Variants in PSD3 observed in about 807,000 individuals in gnomAD.
The protein encoded by PSD3 is pleckstrin and Sec7 domain containing 3.
Under a neutral mutation model 105.5 loss-of-function variants are expected in PSD3, and 49 were observed. The ratio of observed to expected loss-of-function variants is 0.46; its 90% CI spans 0.37 to 0.59. PSD3 has a LOEUF of 0.59. PSD3 is among the 20% of genes least tolerant of loss of function. PSD3 has a pLI of 0.00. For missense variants in PSD3, 1,561 were observed against 1,263.8 expected, an observed-to-expected ratio of 1.24 and a Z score of -3.57; for synonymous variants, 557 against 457.8, an observed-to-expected ratio of 1.22 and a Z score of -2.77.
At chr8:18,551,193 C>CCCAAATAAA (rs1178951071) in intron 15 of PSD3, among the ~76,000 whole-genome samples, 1 of 152,068 alleles carries the variant, frequency 6.6e-6, no homozygotes, top group Non-Finnish European at 1.5e-5. Flanking sequence ...AAATTGCTTC[C>CCCAAATAAA]CCAATGTTGA....
chr8:18,750,145 T>C (rs1019231943), intron 9 of PSD3, among the ~76,000 whole-genome samples: 4 of 152,164 alleles, frequency 2.6e-5, no homozygotes, highest in African/African-American at 7.2e-5. Context: ...TTATATCCTA[T>C]TTAATAGTTC....
At chr8:18,847,148 A>G (rs572506942) in intron 4 of PSD3, among the ~76,000 whole-genome samples, 48 of 152,258 alleles carry the variant, frequency 3.2e-4, no homozygotes, top group African/African-American at 1.1e-3. Context: ...TCATGCGAGA[A>G]ACCAGGCCCC....
rs184226480 is a variant in PSD3 at position 18,620,663 on chromosome 8, T to A, written c.2410+11950A>T. ...AGGCAGAGGTTGCAGTGAGCCCAGA[T>A]CACACCACTGCACTATGGCCTGGGT... On this transcript the variant is annotated intron_variant, in intron 11 of 15. Coordinates refer to ENST00000327040, the MANE Select transcript of PSD3 (RefSeq NM_015310.4). Among the ~76,000 whole-genome samples, 5 of 152,224 alleles carry A rather than the reference T, an allele frequency of 3.3e-5. No homozygotes were observed. The East Asian group carries it at 9.7e-4, about 29-fold the overall frequency.
At position 18,530,606 on chromosome 8, in the gene PSD3, C is replaced by T. The variant is rs915697652; in HGVS notation, c.*5137G>A. On this transcript the variant is annotated 3_prime_UTR_variant, in exon 16 of 16. Coordinates refer to ENST00000327040, the MANE Select transcript of PSD3 (RefSeq NM_015310.4). ...AAAGAACGTGTGCTTTAAAGCATCA[C>T]ATTTTGTAATAAGCCCAAAATTGTC... 9 of 151,902 alleles carry T rather than the reference C, an allele frequency of 5.9e-5. No homozygotes were observed. Among genetic ancestry groups the T allele is most frequent in the African/African-American group, 2.2e-4 (9 of 41,296 alleles). The allele number at this position is 151,902 out of a possible 1,614,324, so 9.4% of individuals were successfully genotyped here.
At chr8:18,662,583 C>T (rs1402326490) in intron 9 of PSD3, among the ~76,000 whole-genome samples, 1 of 152,172 alleles carries the variant, frequency 6.6e-6, no homozygotes, top group Non-Finnish European at 1.5e-5. Flanking sequence ...CTGACTTGTA[C>T]ATTTAAGACA....
At chr8:18,895,482 C>T (rs1208689619) in intron 2 of PSD3, among the ~76,000 whole-genome samples, 1 of 152,210 alleles carries the variant, frequency 6.6e-6, no homozygotes, top group Non-Finnish European at 1.5e-5. Context: ...CTCTTGTCTA[C>T]AGTGCATACA....
At chr8:18,772,202 T>C (rs984566197) in intron 8 of PSD3, among the ~76,000 whole-genome samples, 12 of 152,362 alleles carry the variant, frequency 7.9e-5, no homozygotes, top group African/African-American at 2.9e-4. Flanking sequence ...GGTGGGCAAG[T>C]ATCTCTTCAA....
At chr8:18,622,811 T>G (rs1055931654) in intron 11 of PSD3, among the ~76,000 whole-genome samples, 6 of 152,196 alleles carry the variant, frequency 3.9e-5, no homozygotes, top group African/African-American at 1.4e-4. Flanking sequence ...TAAGAGGAGC[T>G]TAACGGATCT....
chr8:18,670,618 G>A (rs758294217), intron 9 of PSD3, among the ~76,000 whole-genome samples: 17 of 151,920 alleles, frequency 1.1e-4, no homozygotes, highest in Non-Finnish European at 2.1e-4. Context: ...TAAAAAACTG[G>A]GTACAACGAA....
chr8:18,855,813 A>G (rs1815965341), intron 4 of PSD3, among the ~76,000 whole-genome samples: 1 of 152,236 alleles, frequency 6.6e-6, no homozygotes, highest in Non-Finnish European at 1.5e-5. Context: ...CTGGGGGCAT[A>G]AAGAGGAGAG....
chr8:18,903,114 C>G (rs1176463531), intron 2 of PSD3, among the ~76,000 whole-genome samples: 1 of 152,126 alleles, frequency 6.6e-6, no homozygotes, highest in African/African-American at 2.4e-5. Context: ...TGACTCAGAG[C>G]TACTCCCTAG....
intron 12 of PSD3, among the ~76,000 whole-genome samples, chr8:18,584,574 A>T (rs1803028904): frequency 6.6e-6 from 1 of 152,248 alleles, no homozygotes. Flanking sequence ...GTAACCTACA[A>T]CCTATTATAC....
chr8:18,678,082 T>C (rs1302412669), intron 9 of PSD3, among the ~76,000 whole-genome samples: 1 of 151,026 alleles, frequency 6.6e-6, no homozygotes, highest in Non-Finnish European at 1.5e-5. Context: ...GAATAATTAA[T>C]ACCTGGTGAA....
intron 9 of PSD3, among the ~76,000 whole-genome samples, chr8:18,745,176 A>C (rs1804906142): frequency 6.6e-6 from 1 of 151,988 alleles, no homozygotes; most frequent in African/African-American, 2.4e-5. Context: ...ATAATGAATA[A>C]ATATCCTGGG....
At chr8:18,903,251 G>A (rs1005817993) in intron 2 of PSD3, among the ~76,000 whole-genome samples, 2 of 152,128 alleles carry the variant, frequency 1.3e-5, no homozygotes, top group African/African-American at 4.8e-5. Flanking sequence ...GTATGACTGC[G>A]ATTTGGGAAC....
intron 4 of PSD3, chr8:18,865,236 A>G (rs554953877): frequency 4.7e-4 from 2 of 4,234 alleles, no homozygotes; most frequent in African/African-American, 2.2e-3. Flanking sequence ...ATATATATAT[A>G]TATATATATA....
intron 1 of PSD3, among the ~76,000 whole-genome samples, chr8:18,951,572 T>A (rs1823237385): frequency 6.6e-6 from 1 of 152,146 alleles, no homozygotes; most frequent in African/African-American, 2.4e-5. Context: ...TTCTTGAGGG[T>A]ATTTTACAAC....
At chr8:18,963,250 G>C (rs568460924) in intron 1 of PSD3, among the ~76,000 whole-genome samples, 12 of 152,238 alleles carry the variant, frequency 7.9e-5, no homozygotes, top group Non-Finnish European at 1.5e-4. Context: ...GGAATTATGG[G>C]CATACAATTC....
In PSD3 at chr8:18,798,134, A is replaced by G. The variant is rs1206295405; in HGVS notation, c.2082+1161T>C. ...TTGCGGTAGTCATGTCAAGATTCAC[A>G]CTGTGAAATGCCTGCATTTCCACAT... On this transcript the variant is annotated intron_variant, in intron 8 of 15. Coordinates refer to ENST00000327040, the MANE Select transcript of PSD3 (RefSeq NM_015310.4). 4.6e-5 allele frequency among the ~76,000 whole-genome samples: 7 copies of G among 152,164 alleles called. No individual in the cohort carries two copies. In the East Asian group the frequency reaches 9.6e-4, roughly 21 times the overall value.
Sources: allele counts gnomAD v4.1 joint callset (sites outside exome capture counted in the v4.1 genomes callset), GRCh38; gene constraint gnomAD v4.1.1; transcripts MANE v1.5; gene names NCBI Gene and HGNC (gene_info 2026-07-23, HGNC 2026-07-21).